The following IPO5 variants were observed in gnomAD, a reference collection of about 807,000 sequenced individuals.
The protein encoded by IPO5 is importin-5.
In IPO5, 18 loss-of-function variants were observed where a neutral mutation model predicts 143.3. The ratio of observed to expected loss-of-function variants is 0.13; its 90% CI spans 0.09 to 0.19. IPO5 has a LOEUF of 0.19. Ranked by LOEUF, IPO5 falls within the 10% of genes least tolerant of loss-of-function variation. The pLI is 1.00. For missense variants in IPO5, 1,013 were observed against 1,336.9 expected (o/e 0.76, Z 3.78); for synonymous variants, 477 against 465.7 (o/e 1.02, Z -0.31).
chr13:98,015,876 G>A, intron 24 of IPO5, 95 bp downstream of exon 24: 1 of 761,080 alleles, frequency 1.3e-6, no homozygotes, highest in Non-Finnish European at 2.2e-6. Flanking sequence ...TTGTCATTCT[G>A]ATGTAATTAT....
intron 12 of IPO5, among the ~76,000 whole-genome samples, chr13:97,997,977 G>GT (rs1888442875): frequency 6.6e-6 from 1 of 152,162 alleles, no homozygotes; most frequent in African/African-American, 2.4e-5. Flanking sequence ...AAGTAGCTAT[G>GT]TTTTTTGTTT....
rs181824589 is a variant in IPO5 at position 98,012,627 on chromosome 13, C to T, written c.2152+285C>T. Reference sequence around the variant, plus strand: ...TGATTACAATTATATATAGTTGCTACTTTCCCCAAATATCTTTTGGTAAAC... The same window carrying T: ...TGATTACAATTATATATAGTTGCTATTTTCCCCAAATATCTTTTGGTAAAC... On this transcript the variant is annotated intron_variant, in intron 21 of 28. Coordinates refer to ENST00000651721, the MANE Select transcript of IPO5 (RefSeq NM_002271.6). Among the ~76,000 whole-genome samples the T allele has an allele frequency of 2.0e-5, 3 of 152,136 alleles. No individual in the cohort carries two copies. In the East Asian group the frequency reaches 5.8e-4, roughly 29 times the overall value.
At chr13:98,009,218 C>T (rs563250542) in intron 18 of IPO5, among the ~76,000 whole-genome samples, 2 of 152,156 alleles carry the variant, frequency 1.3e-5, no homozygotes, top group Non-Finnish European at 2.9e-5. Flanking sequence ...GGGCATGTGT[C>T]CATGCATGCT....
intron 2 of IPO5, among the ~76,000 whole-genome samples, chr13:97,964,443 CTTTTTTTTTTTTTTTT>C (rs369952371): frequency 9.2e-6 from 1 of 108,216 alleles, no homozygotes; most frequent in African/African-American, 3.3e-5. Context: ...CCATTTCTTT[CTTTTTTTTTTTTTTTT>C]TTTTTGGAGA....
At chr13:97,995,495 C>G (rs2139723669) in intron 11 of IPO5, among the ~76,000 whole-genome samples, 1 of 152,228 alleles carries the variant, frequency 6.6e-6, no homozygotes, top group East Asian at 1.9e-4. Flanking sequence ...GTGGCTCACA[C>G]CTGCAATCTC....
intron 22 of IPO5, among the ~76,000 whole-genome samples, chr13:98,014,468 C>T: frequency 6.6e-6 from 1 of 152,098 alleles, no homozygotes; most frequent in East Asian, 1.9e-4. Flanking sequence ...AGTAGATGTT[C>T]CTCAGGTCTC....
chr13:97,976,267 C>T (rs1395064404), intron 3 of IPO5, among the ~76,000 whole-genome samples: 2 of 151,496 alleles, frequency 1.3e-5, no homozygotes, highest in Non-Finnish European at 3.0e-5. Flanking sequence ...AGCCCTGGCC[C>T]CAGCCCAGGC....
intron 2 of IPO5, among the ~76,000 whole-genome samples, chr13:97,969,367 A>G (rs1297186384): frequency 6.6e-6 from 1 of 151,184 alleles, no homozygotes. Flanking sequence ...TATTTTTAGT[A>G]GAGACGGGGT....
chr13:97,979,927 A>T, intron 4 of IPO5: 1 of 456,712 alleles, frequency 2.2e-6, no homozygotes, highest in Non-Finnish European at 4.4e-6. Context: ...CCCCTCTTTT[A>T]CTTTTCCTCA....
At chr13:97,972,704 T>A (rs1885922480) in intron 3 of IPO5, among the ~76,000 whole-genome samples, 1 of 152,232 alleles carries the variant, frequency 6.6e-6, no homozygotes, top group Non-Finnish European at 1.5e-5. Flanking sequence ...TTTTTTATTT[T>A]AATGCGGCCA....
At position 98,019,633 on chromosome 13, in the gene IPO5, A is replaced by C; in HGVS notation, c.2889A>C (p.Lys963Asn). Reference sequence around the variant, plus strand: ...TTCAGTCTGCGGATTCTAAGACCAAAGAAAATGTCAATGCTACAGAGAACT... The same window carrying C: ...TTCAGTCTGCGGATTCTAAGACCAACGAAAATGTCAATGCTACAGAGAACT... ...RVIQSADSKT[K>N]ENVNATENCI... is the part of the protein sequence containing the mutation. The change falls in exon 27 of 29, where the codon AAA (lysine) becomes AAC (asparagine). Residue 963 changes from lysine to asparagine, a missense_variant. Physicochemically the swap from Lys to Asn is moderately conservative, Grantham distance 94. Coordinates refer to ENST00000651721, the MANE Select transcript of IPO5 (RefSeq NM_002271.6). The C allele has an allele frequency of 1.2e-6, 2 of 1,614,214 alleles. No homozygotes were observed. The highest frequency in any genetic ancestry group is 1.7e-6 in the Non-Finnish European group (2 of 1,180,026).
chr13:97,983,604 A>C (rs923932494), intron 5 of IPO5, among the ~76,000 whole-genome samples: 1 of 129,700 alleles, frequency 7.7e-6, no homozygotes, highest in East Asian at 2.5e-4. Flanking sequence ...GCCATTGAAT[A>C]TCTGTTTACT....
At position 97,976,694 on chromosome 13, in the gene IPO5, G is replaced by C; in HGVS notation, c.-3G>C. The C allele has an allele frequency of 7.3e-7, 1 of 1,361,328 alleles. No homozygotes were observed. The highest frequency in any genetic ancestry group is 9.7e-7 in the Non-Finnish European group (1 of 1,027,276). The allele number at this position is 1,361,328 out of a possible 1,614,324, so 84.3% of individuals were successfully genotyped here. A position where few individuals can be genotyped will look rare whatever the true frequency, so the allele number is the denominator to read the frequency against. ...TCCCTCCTTCTCTCTCACGCCTAGC[G>C]CAATGGCGGCGGCCGCGGCGGAGCA... is the stretch of plus-strand genomic sequence containing the variant. On this transcript the variant is annotated splice_region_variant and 5_prime_UTR_variant, in exon 4 of 29. Transcript: ENST00000651721.
At chr13:97,977,872 A>G (rs1886514853) in intron 4 of IPO5, among the ~76,000 whole-genome samples, 1 of 152,360 alleles carries the variant, frequency 6.6e-6, no homozygotes, top group Admixed American at 6.5e-5. Flanking sequence ...GTTCAGCCAG[A>G]TATTTTTAAA....
At chr13:97,988,779 C>T (rs1162221706) in intron 6 of IPO5, among the ~76,000 whole-genome samples, 2 of 151,820 alleles carry the variant, frequency 1.3e-5, no homozygotes, top group Non-Finnish European at 2.9e-5. Flanking sequence ...AAAAGTGAAA[C>T]TCCATCTAAA....
Position 97,997,551 on chromosome 13 carries a change from A to T in IPO5, c.934A>T (p.Met312Leu), listed in dbSNP as rs987383278. ...AQTIPQMLAM[M>L]VDLEEDEDWA... is the part of the protein sequence containing the mutation. ...TTTAGTTCCTCAGATGTTAGCAATG[A>T]TGGTTGATTTGGAAGAAGATGAGGA... Residue 312 changes from methionine (M) to leucine (L), a missense_variant, in exon 12 of 29, where the codon ATG (methionine) becomes TTG (leucine). Physicochemically the swap from Met to Leu is conservative, Grantham distance 15. Transcript: ENST00000651721. 1.9e-6 allele frequency: 3 copies of T among 1,607,394 alleles called. No homozygotes were observed. The highest frequency in any genetic ancestry group is 1.7e-5 in the Admixed American group (1 of 59,906).
At chr13:98,015,969 G>T (rs1043904617) in intron 24 of IPO5, among the ~76,000 whole-genome samples, 188 bp downstream of exon 24, 1 of 152,072 alleles carries the variant, frequency 6.6e-6, no homozygotes, top group African/African-American at 2.4e-5. Flanking sequence ...ATGTCTTTCG[G>T]TGCTATGTGC....
chr13:98,002,880 T>C lies in IPO5; in HGVS notation c.1340T>C (p.Leu447Pro). The C allele has an allele frequency of 6.2e-7, 1 of 1,612,612 alleles. No homozygotes were observed. Among genetic ancestry groups the C allele is most frequent in the Non-Finnish European group, 8.5e-7 (1 of 1,179,444 alleles). ...ATTTCACAGGTGATTGCAGCTCTGC[T>C]GCAGACCATGGAAGACCAAGGCAAT... ...KFHEKVIAALLQTMEDQGNQR... is the reference protein window; with the variant it reads ...KFHEKVIAALPQTMEDQGNQR... The change falls in exon 16 of 29, where the codon CTG becomes CCG. Residue 447 changes from leucine to proline, a missense_variant. Physicochemically the swap from Leu to Pro is moderately conservative, Grantham distance 98 (BLOSUM62 -3). Around this residue, in one of 2 missense-constraint regions of IPO5, gnomAD observed 685 missense variants for 994.9 expected, o/e 0.69. Coordinates refer to ENST00000651721, the MANE Select transcript of IPO5 (RefSeq NM_002271.6).
At chr13:97,975,102 G>A (rs991613398) in intron 3 of IPO5, among the ~76,000 whole-genome samples, 3 of 152,188 alleles carry the variant, frequency 2.0e-5, no homozygotes, top group Non-Finnish European at 4.4e-5. Flanking sequence ...TGCCAGCGGT[G>A]TAGAACTACT....
Sources: allele counts gnomAD v4.1 joint callset (sites outside exome capture counted in the v4.1 genomes callset), GRCh38; gene constraint gnomAD v4.1.1; regional missense constraint gnomAD v4.1.1; transcripts MANE v1.5; gene names NCBI Gene and HGNC (gene_info 2026-07-23, HGNC 2026-07-21).